AFG1L: variants seen among roughly 807,000 people sequenced by gnomAD.
AFG1L encodes the protein AFG1 like ATPase.
A neutral mutation model predicts 62.2 loss-of-function variants in AFG1L; 53 were observed. The ratio of observed to expected loss-of-function variants is 0.85; its 90% CI spans 0.68 to 1.07. AFG1L has a LOEUF of 1.07. Ranked by LOEUF, AFG1L falls within the 50% of genes least tolerant of loss-of-function variation. The pLI is 0.00. For missense variants in AFG1L, 555 were observed against 590.5 expected, an observed-to-expected ratio of 0.94 and a Z score of 0.62; for synonymous variants, 228 against 210.3, an observed-to-expected ratio of 1.08 and a Z score of -0.73.
At chr6:108,359,311 G>A (rs1263244315) in intron 5 of AFG1L, 13 of 152,184 alleles carry the variant, frequency 8.5e-5, no homozygotes, top group Admixed American at 8.5e-4. Flanking sequence ...AAAAACAACT[G>A]TCAGAACACT....
At chr6:108,314,428 G>A (rs368991015) in intron 1 of AFG1L, among the ~76,000 whole-genome samples, 122 of 144,120 alleles carry the variant, frequency 8.5e-4, no homozygotes, top group East Asian at 3.4e-3. Flanking sequence ...ATAGAGTCTC[G>A]CTCTGTCGCC....
intron 7 of AFG1L, among the ~76,000 whole-genome samples, chr6:108,428,498 T>C (rs1319811479): frequency 6.6e-6 from 1 of 152,232 alleles, no homozygotes; most frequent in Non-Finnish European, 1.5e-5. Flanking sequence ...GAACGGTAGA[T>C]CTACTTTTAG....
intron 10 of AFG1L, among the ~76,000 whole-genome samples, chr6:108,508,089 T>G (rs1774493878): frequency 6.6e-6 from 1 of 152,194 alleles, no homozygotes; most frequent in Non-Finnish European, 1.5e-5. Context: ...ATTCTCACGA[T>G]TCTGTCAGAT....
chr6:108,314,570 T>C (rs1420086107), intron 1 of AFG1L, among the ~76,000 whole-genome samples: 3 of 151,992 alleles, frequency 2.0e-5, no homozygotes, highest in Non-Finnish European at 2.9e-5. Flanking sequence ...CTAATTTCTT[T>C]TGTGTTTTAG....
intron 11 of AFG1L, among the ~76,000 whole-genome samples, chr6:108,518,770 A>G (rs1775004097): frequency 6.6e-6 from 1 of 152,272 alleles, no homozygotes; most frequent in Admixed American, 6.5e-5. Flanking sequence ...AAGAGATATT[A>G]ATGTAAATCT....
chr6:108,466,764 T>C (rs200161332), intron 8 of AFG1L, among the ~76,000 whole-genome samples: 1 of 32,834 alleles, frequency 3.0e-5, no homozygotes, highest in Non-Finnish European at 5.4e-5. Context: ...TGTTAAAATA[T>C]ATATATTTTA....
chr6:108,422,551 G>A (rs1001329916), intron 7 of AFG1L, among the ~76,000 whole-genome samples: 2 of 138,954 alleles, frequency 1.4e-5, no homozygotes, highest in Non-Finnish European at 3.0e-5. Context: ...TATTTTGTTG[G>A]GGGAAGGAGG....
chr6:108,335,345 A>G (rs1778437539), intron 2 of AFG1L, among the ~76,000 whole-genome samples: 1 of 152,148 alleles, frequency 6.6e-6, no homozygotes, highest in African/African-American at 2.4e-5. Context: ...CTCAATACTC[A>G]ATTCATGTTT....
intron 1 of AFG1L, among the ~76,000 whole-genome samples, chr6:108,300,825 A>T (rs1486781763): frequency 6.6e-6 from 1 of 152,070 alleles, no homozygotes; most frequent in African/African-American, 2.4e-5. Context: ...GGCGCACGCC[A>T]TCACGCCTGG....
chr6:108,416,848 C>T (rs1236984532), intron 7 of AFG1L, among the ~76,000 whole-genome samples: 1 of 151,924 alleles, frequency 6.6e-6, no homozygotes, highest in Non-Finnish European at 1.5e-5. Context: ...GGGTGCAGCA[C>T]ACCAACTTGG....
intron 2 of AFG1L, chr6:108,344,818 G>A: frequency 2.1e-6 from 1 of 470,186 alleles, no homozygotes; most frequent in South Asian, 1.6e-5. Flanking sequence ...TCGTCTAAGT[G>A]TAACAAAATT....
At chr6:108,513,792 T>A (rs149477237) in intron 11 of AFG1L, among the ~76,000 whole-genome samples, 12,977 of 152,238 alleles carry the variant, frequency 0.085, 666 homozygotes, top group South Asian at 0.24. Context: ...CAGCTTGAGA[T>A]CTGAGAACGG....
chr6:108,457,928 C>T (rs1772316005), intron 8 of AFG1L, among the ~76,000 whole-genome samples: 1 of 148,822 alleles, frequency 6.7e-6, no homozygotes, highest in South Asian at 2.2e-4. Context: ...TCTCTTTCTT[C>T]CTTCCTTCAC....
chr6:108,380,811 C>G (rs1049531241), intron 6 of AFG1L, among the ~76,000 whole-genome samples: 4 of 152,124 alleles, frequency 2.6e-5, no homozygotes, highest in Admixed American at 2.6e-4. Context: ...AAAATGCTTT[C>G]CCTTGGCCTG....
At chr6:108,333,650 A>G (rs1183669365) in intron 2 of AFG1L, among the ~76,000 whole-genome samples, 1 of 152,204 alleles carries the variant, frequency 6.6e-6, no homozygotes, top group Non-Finnish European at 1.5e-5. Flanking sequence ...ACAACCCAGT[A>G]GAAAAATAGA....
chr6:108,360,779 C>A (rs1460842390), intron 5 of AFG1L, among the ~76,000 whole-genome samples: 1 of 152,156 alleles, frequency 6.6e-6, no homozygotes, highest in Non-Finnish European at 1.5e-5. Context: ...CTCCAATACA[C>A]CAAAATTAGA....
intron 1 of AFG1L, among the ~76,000 whole-genome samples, chr6:108,297,858 CAAA>C (rs774320900): frequency 2.2e-4 from 10 of 45,148 alleles, no homozygotes; most frequent in Admixed American, 2.4e-4. Flanking sequence ...GAACCTGTCT[CAAA>C]AAAAAAAAAA....
intron 3 of AFG1L, among the ~76,000 whole-genome samples, chr6:108,350,383 C>T (rs916346422): frequency 1.3e-5 from 2 of 151,486 alleles, no homozygotes; most frequent in Admixed American, 6.6e-5. Context: ...AGAATACCTA[C>T]CTGGTAGCAC....
In AFG1L at chr6:108,366,331, A is replaced by G; in HGVS notation, c.747A>G (p.Glu249=). 1 of 1,605,388 alleles carries G rather than the reference A, an allele frequency of 6.2e-7. No homozygotes were observed. Among genetic ancestry groups the G allele is most frequent in the Non-Finnish European group, 8.5e-7 (1 of 1,172,876 alleles). Residue 249 remains glutamate (E), a splice_region_variant and synonymous_variant, in exon 6 of 13, where the codon GAA becomes GAG. Transcript: ENST00000368977. ...TGGCAACATCCAACAGGCCACCGGA[A>G]GGTAAAAACAAACATTGTGCTAGTC... is the stretch of plus-strand genomic sequence containing the variant. ...VVVATSNRPP[E]DLYKNGLQRA... is the part of the protein sequence containing the mutation.
Sources: allele counts gnomAD v4.1 joint callset (sites outside exome capture counted in the v4.1 genomes callset), GRCh38; gene constraint gnomAD v4.1.1; transcripts MANE v1.5; gene names NCBI Gene and HGNC (gene_info 2026-07-23, HGNC 2026-07-21).